ANKS1A: variants seen among roughly 807,000 people sequenced by gnomAD.
The protein encoded by ANKS1A is ankyrin repeat and sterile alpha motif domain containing 1A.
ANKS1A carries 55 observed loss-of-function variants against 120.3 expected under a neutral mutation model. The ratio of observed to expected loss-of-function variants is 0.46; its 90% confidence interval spans 0.37 to 0.57. ANKS1A has a LOEUF of 0.57. Ranked by LOEUF, ANKS1A falls within the 20% of genes least tolerant of loss-of-function variation. ANKS1A has a pLI of 0.00. For missense variants in ANKS1A, 1,123 were observed against 1,480.3 expected, an observed-to-expected ratio of 0.76 and a Z score of 3.96; for synonymous variants, 590 against 604.7, an observed-to-expected ratio of 0.98 and a Z score of 0.36.
intron 13 of ANKS1A, among the ~76,000 whole-genome samples, chr6:35,069,943 C>T (rs1232011093): frequency 6.9e-6 from 1 of 145,696 alleles, no homozygotes; most frequent in Non-Finnish European, 1.5e-5. Context: ...AGGAGAATCG[C>T]TTGAACCTGG....
At chr6:35,005,664 G>T in intron 10 of ANKS1A, 1 of 435,144 alleles carries the variant, frequency 2.3e-6, no homozygotes, top group Non-Finnish European at 4.5e-6. Context: ...CAAAAGGAGA[G>T]ACTTGATCAT....
At position 34,934,609 on chromosome 6, in the gene ANKS1A, G is replaced by C. The variant is rs148052799; in HGVS notation, c.198-32630G>C. Reference sequence around the variant, plus strand: ...CATTTGAAGTTACATATCATTCAGCGGTCATGCTTACATCCGTTTCCCTGG... The same window carrying C: ...CATTTGAAGTTACATATCATTCAGCCGTCATGCTTACATCCGTTTCCCTGG... On this transcript the variant is annotated intron_variant, in intron 1 of 23. Transcript: ENST00000360359. 2.0e-3 allele frequency among the ~76,000 whole-genome samples: 301 copies of C among 152,294 alleles called. 1 individual carries two copies. Among genetic ancestry groups the C allele is most frequent in the African/African-American group, 6.7e-3 (278 of 41,558 alleles).
chr6:35,064,530 T>C (rs984200163), intron 13 of ANKS1A, among the ~76,000 whole-genome samples: 1 of 152,176 alleles, frequency 6.6e-6, no homozygotes, highest in Non-Finnish European at 1.5e-5. Flanking sequence ...AAGAGGTTCT[T>C]CTACTGGCTT....
chr6:34,897,387 G>A (rs1767141788), intron 1 of ANKS1A, among the ~76,000 whole-genome samples: 1 of 152,144 alleles, frequency 6.6e-6, no homozygotes, highest in South Asian at 2.1e-4. Flanking sequence ...GTGAATTCTG[G>A]TTTGCAAAAG....
intron 3 of ANKS1A, among the ~76,000 whole-genome samples, chr6:34,975,153 T>G (rs1771491559): frequency 6.6e-6 from 1 of 152,176 alleles, no homozygotes; most frequent in Non-Finnish European, 1.5e-5. Flanking sequence ...TGATGCAAAC[T>G]ACATTAAGAG....
In ANKS1A at chr6:35,057,477, G is replaced by T. The variant is rs1025023546; in HGVS notation, c.2078-2670G>T. Among the ~76,000 whole-genome samples the T allele has an allele frequency of 6.6e-6, 1 of 152,212 alleles. No individual in the cohort carries two copies. Among genetic ancestry groups the T allele is most frequent in the Non-Finnish European group, 1.5e-5 (1 of 68,048 alleles). On this transcript the variant is annotated intron_variant, in intron 12 of 23. Coordinates refer to ENST00000360359, the MANE Select transcript of ANKS1A (RefSeq NM_015245.3). This position sits in a 1 kb window ranked among gnomAD's most constrained non-coding sequence, Gnocchi z 4.1. ...CTCTCTTTTCCAGGGCTCATCTACA[G>T]CCTATTGGGATACCAGTATCTCCCA... is the stretch of plus-strand genomic sequence containing the variant.
At chr6:35,055,694 T>TGCTC (rs1443452689) in intron 12 of ANKS1A, among the ~76,000 whole-genome samples, 1 of 152,258 alleles carries the variant, frequency 6.6e-6, no homozygotes, top group African/African-American at 2.4e-5. Flanking sequence ...CAGAGGCTTC[T>TGCTC]GCTCACTGGC....
intron 13 of ANKS1A, among the ~76,000 whole-genome samples, chr6:35,065,664 G>T (rs548469384): frequency 3.9e-5 from 6 of 152,334 alleles, no homozygotes; most frequent in African/African-American, 1.4e-4. Context: ...GCAGCCCCTG[G>T]GGCTCATGCT....
In ANKS1A at chr6:35,086,808, G is replaced by C; in HGVS notation, c.3304-144G>C. The C allele has an allele frequency of 1.2e-6, 1 of 802,942 alleles. No homozygotes were observed. Among genetic ancestry groups the C allele is most frequent in the East Asian group, 2.5e-5 (1 of 40,224 alleles). 49.7% of individuals were successfully genotyped at this position (802,942 alleles called of 1,614,324 possible). On this transcript the variant is annotated intron_variant, in intron 22 of 23. Transcript: ENST00000360359. The surrounding 1 kb of genome is among the most constrained non-coding windows in gnomAD (Gnocchi z 5.1). Reference sequence around the variant, plus strand: ...GGTGTCCCTCCTCCGCCTGCCCCCAGGGGCCTGCTCTTTGGCCGAGGAGAA... The same window carrying C: ...GGTGTCCCTCCTCCGCCTGCCCCCACGGGCCTGCTCTTTGGCCGAGGAGAA...
At chr6:34,986,627 C>T (rs971669826) in intron 8 of ANKS1A, among the ~76,000 whole-genome samples, 2 of 152,170 alleles carry the variant, frequency 1.3e-5, no homozygotes, top group African/African-American at 4.8e-5. Context: ...TGGGAATGAC[C>T]TTATGATTCT....
chr6:34,960,205 CCTT>C (rs1267366030), intron 1 of ANKS1A, among the ~76,000 whole-genome samples: 3 of 152,164 alleles, frequency 2.0e-5, no homozygotes. Flanking sequence ...TCAAAGATCA[CCTT>C]CTTAGAGAGG....
intron 13 of ANKS1A, among the ~76,000 whole-genome samples, chr6:35,072,064 C>G (rs1245766038): frequency 6.6e-6 from 1 of 152,278 alleles, no homozygotes; most frequent in Non-Finnish European, 1.5e-5. Flanking sequence ...GAAGACCTCA[C>G]CTGCAGTTAA....
intron 2 of ANKS1A, 41 bp downstream of exon 2, chr6:34,967,360 A>G: frequency 6.3e-7 from 1 of 1,593,012 alleles, no homozygotes; most frequent in Non-Finnish European, 8.6e-7. Context: ...CACCCTTCAG[A>G]ACCCAGGCCT....
chr6:34,985,141 G>C lies in ANKS1A; in HGVS notation c.1072G>C (p.Glu358Gln). ...AGATTTTGATGCAAATGCTGAAGAA[G>C]AGGGTCCCTACGAAGCTCTGTATAA... ...IIDFDANAEE[E>Q]GPYEALYNAI... is the part of the protein sequence containing the mutation. The change falls in exon 8 of 24, where the codon GAG becomes CAG. Residue 358 changes from glutamate to glutamine, a missense_variant. Transcript: ENST00000360359. 6.2e-7 allele frequency: 1 copy of C among 1,614,174 alleles called. No individual in the cohort carries two copies. Among genetic ancestry groups the C allele is most frequent in the Non-Finnish European group, 8.5e-7 (1 of 1,180,016 alleles).
chr6:35,087,765 C>T (rs1445899300), intron 23 of ANKS1A, among the ~76,000 whole-genome samples: 1 of 152,260 alleles, frequency 6.6e-6, no homozygotes, highest in African/African-American at 2.4e-5. Flanking sequence ...CTGACTGCCC[C>T]ACTTGGGGCT....
intron 1 of ANKS1A, among the ~76,000 whole-genome samples, chr6:34,923,687 T>C (rs1217432382): frequency 3.9e-5 from 6 of 152,180 alleles, no homozygotes; most frequent in African/African-American, 1.2e-4. Flanking sequence ...ATAGATATGA[T>C]TGAGTGAGCA....
intron 3 of ANKS1A, among the ~76,000 whole-genome samples, chr6:34,970,902 A>G (rs774159417): frequency 3.3e-5 from 5 of 152,120 alleles, no homozygotes; most frequent in Non-Finnish European, 7.4e-5. Flanking sequence ...CCAGCTACTC[A>G]GGAGGCTGAG....
intron 11 of ANKS1A, among the ~76,000 whole-genome samples, chr6:35,025,517 G>A (rs1346593211): frequency 6.6e-6 from 1 of 151,974 alleles, no homozygotes; most frequent in Non-Finnish European, 1.5e-5. Flanking sequence ...GGGGGAGTGG[G>A]GGAATGCACC....
chr6:35,048,906 G>C (rs1263559312), intron 11 of ANKS1A, among the ~76,000 whole-genome samples: 2 of 152,196 alleles, frequency 1.3e-5, no homozygotes, highest in Non-Finnish European at 2.9e-5. Flanking sequence ...TCCAAGCAAG[G>C]CCATCGAGCC....
Sources: allele counts gnomAD v4.1 joint callset (sites outside exome capture counted in the v4.1 genomes callset), GRCh38; gene constraint gnomAD v4.1.1; non-coding constraint Gnocchi (gnomAD v3.1); transcripts MANE v1.5; gene names NCBI Gene and HGNC (gene_info 2026-07-23, HGNC 2026-07-21).